Variants in CTNNA3 observed in about 807,000 individuals in gnomAD.
The protein encoded by CTNNA3 is catenin alpha 3.
Under a neutral mutation model 95.7 loss-of-function variants are expected in CTNNA3, and 76 were observed. That is an observed-to-expected ratio of 0.79 (90% CI 0.66 to 0.96). The LOEUF (loss-of-function observed/expected upper bound fraction) is 0.96. Ranked by LOEUF, CTNNA3 falls within the 40% of genes least tolerant of loss-of-function variation. The probability of loss-of-function intolerance (pLI) is 0.00; values close to 1 mark genes in which losing one functional copy is unlikely to be tolerated. For synonymous variants in CTNNA3, 431 were observed against 374.4 expected (o/e 1.15, Z -1.74); for missense variants, 1,191 against 1,089.8 (o/e 1.09, Z -1.31).
chr10:67,562,596 T>C (rs1471173267), intron 3 of CTNNA3, among the ~76,000 whole-genome samples: 1 of 152,184 alleles, frequency 6.6e-6, no homozygotes, highest in Non-Finnish European at 1.5e-5. Context: ...GGATGCCCTC[T>C]CTCACCACTC....
intron 13 of CTNNA3, among the ~76,000 whole-genome samples, chr10:66,221,916 C>T (rs926463234): frequency 5.9e-5 from 9 of 152,086 alleles, no homozygotes; most frequent in African/African-American, 2.2e-4. Flanking sequence ...AATTGAGTTG[C>T]ATTTTGGGAT....
chr10:66,788,915 C>T (rs1840855961), intron 7 of CTNNA3, among the ~76,000 whole-genome samples: 1 of 152,096 alleles, frequency 6.6e-6, no homozygotes, highest in Non-Finnish European at 1.5e-5. Flanking sequence ...GATTATACAA[C>T]CACAGACATG....
intron 12 of CTNNA3, among the ~76,000 whole-genome samples, chr10:66,346,227 A>G (rs1231420390): frequency 2.6e-4 from 17 of 64,606 alleles, no homozygotes; most frequent in Admixed American, 2.0e-3. Context: ...ATATATATAT[A>G]TATATATATA....
intron 1 of CTNNA3, chr10:67,750,924 C>T: frequency 6.2e-7 from 1 of 1,610,028 alleles, no homozygotes; most frequent in Non-Finnish European, 8.5e-7. Context: ...GCCCCCTAGG[C>T]TCTCCGGATA....
intron 14 of CTNNA3, among the ~76,000 whole-genome samples, chr10:66,089,666 T>C (rs2081136440): frequency 6.6e-6 from 1 of 151,826 alleles, no homozygotes; most frequent in Non-Finnish European, 1.5e-5. Context: ...TTTTTATCAC[T>C]ACACAAGGTC....
intron 5 of CTNNA3, among the ~76,000 whole-genome samples, chr10:67,300,251 G>A (rs1187092920): frequency 1.3e-5 from 2 of 152,166 alleles, no homozygotes; most frequent in Non-Finnish European, 2.9e-5. Flanking sequence ...CCTGTGGCTT[G>A]TTGTAATTTC....
At chr10:66,296,068 A>T (rs1025908956) in intron 12 of CTNNA3, among the ~76,000 whole-genome samples, 1 of 151,038 alleles carries the variant, frequency 6.6e-6, no homozygotes, top group Non-Finnish European at 1.5e-5. Flanking sequence ...ACCAAGACTG[A>T]TTTTTATTTT....
intron 11 of CTNNA3, among the ~76,000 whole-genome samples, chr10:66,431,252 G>C (rs1289504684): frequency 2.0e-5 from 3 of 152,174 alleles, no homozygotes; most frequent in Non-Finnish European, 2.9e-5. Flanking sequence ...AACAACAGGA[G>C]CTGGAGAGGA....
At chr10:67,067,220 T>C (rs1856146592) in intron 7 of CTNNA3, among the ~76,000 whole-genome samples, 2 of 152,168 alleles carry the variant, frequency 1.3e-5, no homozygotes, top group African/African-American at 4.8e-5. Flanking sequence ...TGAAACAATT[T>C]TTAAGTATGT....
intron 7 of CTNNA3, among the ~76,000 whole-genome samples, chr10:66,922,349 G>C (rs934317029): frequency 1.3e-5 from 2 of 152,130 alleles, no homozygotes; most frequent in Non-Finnish European, 2.9e-5. Flanking sequence ...CAAGTAAAAG[G>C]AGAAAAAACT....
At chr10:67,016,400 G>A (rs1166397305) in intron 7 of CTNNA3, among the ~76,000 whole-genome samples, 1 of 152,102 alleles carries the variant, frequency 6.6e-6, no homozygotes, top group East Asian at 1.9e-4. Flanking sequence ...TATTTAAGGA[G>A]TTTGCATGGA....
At chr10:66,108,419 C>T (rs1253754634) in intron 13 of CTNNA3, among the ~76,000 whole-genome samples, 1 of 152,074 alleles carries the variant, frequency 6.6e-6, no homozygotes, top group Non-Finnish European at 1.5e-5. Flanking sequence ...TCTATTTACC[C>T]CTTCTTGCAG....
chr10:67,008,744 C>A (rs1852156179), intron 7 of CTNNA3, among the ~76,000 whole-genome samples: 1 of 152,136 alleles, frequency 6.6e-6, no homozygotes, highest in Non-Finnish European at 1.5e-5. Context: ...CTAGCTCAGG[C>A]ATATTCACAA....
At chr10:67,452,510 A>G (rs1847027032) in intron 5 of CTNNA3, among the ~76,000 whole-genome samples, 1 of 152,232 alleles carries the variant, frequency 6.6e-6, no homozygotes. Flanking sequence ...ATTTCAAAGT[A>G]CATTTATAAA....
At chr10:66,666,947 A>T (rs1846473073) in intron 9 of CTNNA3, among the ~76,000 whole-genome samples, 1 of 152,130 alleles carries the variant, frequency 6.6e-6, no homozygotes, top group Non-Finnish European at 1.5e-5. Flanking sequence ...GACTCCTTAA[A>T]GGGATAATAG....
rs1334705120 is a variant in CTNNA3, at chr10:66,199,786, TATATATATATATATATATA to T, written c.1884+80665_1884+80683del. ...CTGGCTATATATATATATATATATA[TATATATATATATATATATA>T]TTTTTTTTTTTTTTTTTTTTTTTTT... On this transcript the variant is annotated intron_variant, in intron 13 of 17. Transcript: ENST00000433211. 5.8e-3 allele frequency among the ~76,000 whole-genome samples: 74 copies of T among 12,714 alleles called. 2 individuals carry two copies. Among genetic ancestry groups the T allele is most frequent in the South Asian group, 0.01 (2 of 194 alleles). 8.3% of individuals were successfully genotyped at this position (12,714 alleles called of 152,430 possible). A position where few individuals can be genotyped will look rare whatever the true frequency, so the allele number is the denominator to read the frequency against.
chr10:67,025,144 A>AAG (rs1554900164), intron 7 of CTNNA3, among the ~76,000 whole-genome samples: 5 of 147,270 alleles, frequency 3.4e-5, no homozygotes, highest in Admixed American at 2.0e-4. Context: ...ACAAAAAAAA[A>AAG]AAAGAAAGAA....
intron 3 of CTNNA3, among the ~76,000 whole-genome samples, chr10:67,544,096 G>A (rs953123908): frequency 8.5e-5 from 13 of 152,144 alleles, no homozygotes; most frequent in Non-Finnish European, 1.6e-4. Context: ...TGGGTGCTAC[G>A]GCAGGGTTAT....
intron 7 of CTNNA3, among the ~76,000 whole-genome samples, chr10:66,803,021 T>C (rs1668485223): frequency 1.3e-5 from 2 of 152,006 alleles, no homozygotes; most frequent in South Asian, 4.1e-4. Flanking sequence ...ATATTCATTT[T>C]TTTTTAGAAA....
Sources: gnomAD v4.1 joint callset for allele counts (sites outside exome capture counted in the v4.1 genomes callset) on GRCh38, gnomAD v4.1.1 for gene constraint, MANE v1.5 for transcripts, NCBI Gene and HGNC (gene_info 2026-07-23, HGNC 2026-07-21) for gene names.